The following CADPS variants were observed in gnomAD, a reference collection of about 807,000 sequenced individuals.
The protein encoded by CADPS is calcium-dependent secretion activator 1.
Under a neutral mutation model 167.3 loss-of-function variants are expected in CADPS, and 57 were observed. That is an observed-to-expected ratio of 0.34 (90% CI 0.28 to 0.42). The LOEUF is 0.42. CADPS is among the 20% of genes least tolerant of loss of function. The pLI is 1.00. For synonymous variants in CADPS, 676 were observed against 635.3 expected, an observed-to-expected ratio of 1.06 and a Z score of -0.96; for missense variants, 1,414 against 1,738.1, an observed-to-expected ratio of 0.81 and a Z score of 3.32.
chr3:62,497,557 T>G (rs2065031630), intron 18 of CADPS, among the ~76,000 whole-genome samples: 1 of 152,178 alleles, frequency 6.6e-6, no homozygotes, highest in Non-Finnish European at 1.5e-5. Flanking sequence ...CCCACTTAAT[T>G]GTTTACATGT....
intron 1 of CADPS, among the ~76,000 whole-genome samples, chr3:62,810,971 T>C (rs1445949707): frequency 1.3e-5 from 2 of 152,230 alleles, no homozygotes; most frequent in Non-Finnish European, 2.9e-5. Context: ...GAACTGGTAC[T>C]GGTGGTGGGG....
intron 7 of CADPS, among the ~76,000 whole-genome samples, chr3:62,587,674 T>C (rs1419599116): frequency 6.6e-6 from 1 of 152,232 alleles, no homozygotes; most frequent in African/African-American, 2.4e-5. Flanking sequence ...TTTCGCCATA[T>C]GGATTCTGGG....
At chr3:62,690,022 T>G (rs2078814496) in intron 3 of CADPS, among the ~76,000 whole-genome samples, 1 of 151,964 alleles carries the variant, frequency 6.6e-6, no homozygotes, top group Admixed American at 6.5e-5. Context: ...GAGGTACTGA[T>G]TCTTCTCTGG....
intron 26 of CADPS, among the ~76,000 whole-genome samples, chr3:62,454,028 C>T (rs1052580322): frequency 3.3e-5 from 5 of 152,170 alleles, no homozygotes. Flanking sequence ...ATAAGTAGCT[C>T]ACCAGATGTC....
intron 6 of CADPS, among the ~76,000 whole-genome samples, chr3:62,630,743 T>C (rs538973066): frequency 1.3e-5 from 2 of 152,282 alleles, no homozygotes; most frequent in African/African-American, 2.4e-5. Context: ...GTACCTGTGA[T>C]TTGTACTTTG....
intron 3 of CADPS, among the ~76,000 whole-genome samples, chr3:62,701,997 A>G (rs559923764): frequency 6.6e-6 from 1 of 152,204 alleles, no homozygotes; most frequent in African/African-American, 2.4e-5. Context: ...CTTATGTAAA[A>G]TGCTTATTTA....
intron 27 of CADPS, among the ~76,000 whole-genome samples, chr3:62,441,747 C>A (rs2056347016): frequency 6.6e-6 from 1 of 152,192 alleles, no homozygotes; most frequent in Non-Finnish European, 1.5e-5. Flanking sequence ...GGCTGCAAAT[C>A]TGAAGGACCT....
At position 62,740,208 on chromosome 3, in the gene CADPS, C is replaced by T. The variant is rs568301412; in HGVS notation, c.888+13233G>A. Reference sequence around the variant, plus strand: ...CATTTGTATCACGCAGAGGCCCAGGCTACAGGAGTAACAACTGCATAGGGC... The same window carrying T: ...CATTTGTATCACGCAGAGGCCCAGGTTACAGGAGTAACAACTGCATAGGGC... On this transcript the variant is annotated intron_variant, in intron 3 of 29. Coordinates refer to ENST00000383710, the MANE Select transcript of CADPS (RefSeq NM_003716.4). 7.9e-5 allele frequency among the ~76,000 whole-genome samples: 12 copies of T among 152,318 alleles called. No individual in the cohort carries two copies. The East Asian group carries it at 2.3e-3, about 29-fold the overall frequency.
chr3:62,485,748 T>G (rs2062719786), intron 21 of CADPS, among the ~76,000 whole-genome samples: 1 of 152,214 alleles, frequency 6.6e-6, no homozygotes, highest in South Asian at 2.1e-4. Flanking sequence ...TTCCAGGCCC[T>G]GTTATAGGTG....
chr3:62,865,500 T>C (rs899493981), intron 1 of CADPS, among the ~76,000 whole-genome samples: 9 of 152,152 alleles, frequency 5.9e-5, no homozygotes, highest in Non-Finnish European at 8.8e-5. Context: ...CCATGGGCTG[T>C]TGAAAAGACA....
rs556295697 is a variant in CADPS at position 62,549,527 on chromosome 3, T to C, written c.1966+376A>G. ...TTCTAAATTGCAGATTTAAGTTGAT[T>C]TCAAATCAACCCTATTTTTAAATTA... On this transcript the variant is annotated intron_variant, in intron 11 of 29. Transcript: ENST00000383710. 1.2e-3 allele frequency among the ~76,000 whole-genome samples: 186 copies of C among 151,948 alleles called. 3 individuals carry two copies. Among genetic ancestry groups the C allele is most frequent in the South Asian group, 1.7e-3 (8 of 4,794 alleles).
chr3:62,475,595 A>AAC (rs1272038897), intron 23 of CADPS, among the ~76,000 whole-genome samples: 7 of 142,984 alleles, frequency 4.9e-5, no homozygotes, highest in Non-Finnish European at 7.6e-5. Flanking sequence ...AAAAAAAAAA[A>AAC]AAAAAAAAAA....
chr3:62,461,931 T>A (rs1277579206), intron 26 of CADPS, among the ~76,000 whole-genome samples: 1 of 152,176 alleles, frequency 6.6e-6, no homozygotes, highest in East Asian at 1.9e-4. Context: ...ACATGACACA[T>A]AGGTGCTCAG....
chr3:62,534,020 T>C (rs2074228535), intron 12 of CADPS, among the ~76,000 whole-genome samples: 1 of 152,208 alleles, frequency 6.6e-6, no homozygotes, highest in Admixed American at 6.5e-5. Flanking sequence ...TGGAAATTGC[T>C]AGCCCCATTA....
At chr3:62,734,473 C>A (rs905800188) in intron 3 of CADPS, among the ~76,000 whole-genome samples, 1 of 152,130 alleles carries the variant, frequency 6.6e-6, no homozygotes, top group East Asian at 1.9e-4. Context: ...CCTCCTTTTC[C>A]CTCTGAAGTA....
At chr3:62,503,052 C>T (rs1379345698) in intron 17 of CADPS, among the ~76,000 whole-genome samples, 1 of 139,198 alleles carries the variant, frequency 7.2e-6, no homozygotes, top group Non-Finnish European at 1.6e-5. Context: ...TCACCAGCAA[C>T]CCCCACCCAC....
intron 28 of CADPS, among the ~76,000 whole-genome samples, chr3:62,425,523 G>C (rs11706981): frequency 0.35 from 53,790 of 152,054 alleles, 10,217 homozygotes; most frequent in Middle Eastern, 0.49. Context: ...CAACTGGAAT[G>C]AGTACATTTT....
intron 3 of CADPS, among the ~76,000 whole-genome samples, chr3:62,750,136 G>A (rs750855574): frequency 1.3e-5 from 2 of 152,042 alleles, no homozygotes; most frequent in Non-Finnish European, 2.9e-5. Flanking sequence ...TGGGTCACCT[G>A]AGGTCCAGAG....
At chr3:62,592,178 C>A (rs1225788672) in intron 7 of CADPS, among the ~76,000 whole-genome samples, 1 of 152,130 alleles carries the variant, frequency 6.6e-6, no homozygotes. Context: ...TGGGAGCAAG[C>A]AAAGCACTCC....
Sources: allele counts gnomAD v4.1 joint callset (sites outside exome capture counted in the v4.1 genomes callset), GRCh38; gene constraint gnomAD v4.1.1; transcripts MANE v1.5; gene names NCBI Gene and HGNC (gene_info 2026-07-23, HGNC 2026-07-21).